CSMD1: variants seen among roughly 807,000 people sequenced by gnomAD.
CSMD1 encodes CUB and sushi domain-containing protein 1.
A neutral mutation model predicts 417.5 loss-of-function variants in CSMD1; 213 were observed. The observed-to-expected ratio is 0.51, with a 90% CI of 0.46 to 0.57. CSMD1 has a LOEUF of 0.57. CSMD1 is among the 20% of genes least tolerant of loss of function. The pLI, the probability that CSMD1 is intolerant of heterozygous loss-of-function variation, is 0.00. For missense variants in CSMD1, 6,923 were observed against 4,529.7 expected, an observed-to-expected ratio of 1.53 and a Z score of -15.17; for synonymous variants, 2,862 against 1,736.8, an observed-to-expected ratio of 1.65 and a Z score of -16.11.
At chr8:4,389,230 C>G (rs1001617809) in intron 3 of CSMD1, among the ~76,000 whole-genome samples, 26 of 152,154 alleles carry the variant, frequency 1.7e-4, no homozygotes, top group African/African-American at 6.3e-4. Flanking sequence ...GCAATACTTT[C>G]TCTCCTCTTT....
intron 48 of CSMD1, among the ~76,000 whole-genome samples, chr8:3,090,436 T>G (rs931366787): frequency 2.0e-5 from 3 of 152,144 alleles, no homozygotes; most frequent in Non-Finnish European, 4.4e-5. Flanking sequence ...GAGTATATTT[T>G]ATTAAACCTT....
chr8:3,868,095 G>A (rs529933030), intron 5 of CSMD1, among the ~76,000 whole-genome samples: 60 of 152,066 alleles, frequency 3.9e-4, no homozygotes, highest in African/African-American at 1.0e-3. Flanking sequence ...TTAATTCCTT[G>A]CATGCACAGT....
intron 3 of CSMD1, among the ~76,000 whole-genome samples, chr8:4,070,447 T>G (rs999395421): frequency 6.6e-6 from 1 of 151,944 alleles, no homozygotes; most frequent in East Asian, 1.9e-4. Flanking sequence ...AAGCTCCGCC[T>G]CCCGGGTTCA....
intron 1 of CSMD1, among the ~76,000 whole-genome samples, chr8:4,920,891 GAAAAGAAA>G (rs1806406119): frequency 6.1e-5 from 3 of 49,158 alleles, no homozygotes; most frequent in Admixed American, 2.2e-4. Context: ...GAAAAGAAAA[GAAAAGAAA>G]AGAAAAGAAA....
chr8:3,330,091 C>T (rs1043301782), intron 23 of CSMD1, among the ~76,000 whole-genome samples: 38 of 152,224 alleles, frequency 2.5e-4, no homozygotes, highest in African/African-American at 8.2e-4. Flanking sequence ...GCAGCTCCTC[C>T]CAGGTCAAAG....
chr8:3,249,537 A>G (rs570700304), intron 26 of CSMD1, among the ~76,000 whole-genome samples: 23 of 152,270 alleles, frequency 1.5e-4, no homozygotes, highest in Admixed American at 1.2e-3. Context: ...GAGATTTAAG[A>G]AAATAAAAGC....
intron 3 of CSMD1, among the ~76,000 whole-genome samples, chr8:4,098,361 C>G (rs868576983): frequency 3.9e-5 from 6 of 151,918 alleles, no homozygotes; most frequent in Non-Finnish European, 7.4e-5. Flanking sequence ...TTGATCTTCA[C>G]TATTTTTTTT....
intron 3 of CSMD1, among the ~76,000 whole-genome samples, chr8:4,331,979 C>T (rs1263397562): frequency 6.6e-6 from 1 of 152,090 alleles, no homozygotes; most frequent in Non-Finnish European, 1.5e-5. Flanking sequence ...ATGCAAAGCA[C>T]ATCTGAAATG....
rs371196736 is a variant in CSMD1 at position 3,146,112 on chromosome 8, G to C, written c.6032-3438C>G. ...AAAGAACCTTTTATATTGTCCCTAT[G>C]TTTCTAGAAAGTCTGATGGCATGGT... On this transcript the variant is annotated intron_variant, in intron 40 of 69. Transcript: ENST00000635120. Among the ~76,000 whole-genome samples the C allele has an allele frequency of 8.5e-5, 13 of 152,272 alleles. No individual in the cohort carries two copies. The East Asian group carries it at 2.3e-3, about 27-fold the overall frequency.
At chr8:4,077,528 G>A (rs1355453311) in intron 3 of CSMD1, among the ~76,000 whole-genome samples, 1 of 151,818 alleles carries the variant, frequency 6.6e-6, no homozygotes, top group Non-Finnish European at 1.5e-5. Context: ...CCATCACACT[G>A]AAGTCACTCT....
chr8:3,561,733 C>G (rs1187682486), intron 10 of CSMD1, among the ~76,000 whole-genome samples: 1 of 151,868 alleles, frequency 6.6e-6, no homozygotes, highest in Non-Finnish European at 1.5e-5. Context: ...TGTAGTGTAT[C>G]CATGTGACAA....
At chr8:3,792,192 G>A (rs1288289754) in intron 5 of CSMD1, among the ~76,000 whole-genome samples, 1 of 151,998 alleles carries the variant, frequency 6.6e-6, no homozygotes, top group Non-Finnish European at 1.5e-5. Context: ...TACAGGGGAG[G>A]CTGAGATGGG....
At chr8:4,867,652 T>C (rs759255425) in intron 1 of CSMD1, among the ~76,000 whole-genome samples, 1 of 152,084 alleles carries the variant, frequency 6.6e-6, no homozygotes, top group Admixed American at 6.5e-5. Context: ...AGATTGGAAA[T>C]AGAATGATGG....
chr8:3,060,894 T>C (rs1485721890), intron 49 of CSMD1, among the ~76,000 whole-genome samples: 1 of 152,218 alleles, frequency 6.6e-6, no homozygotes. Context: ...ACGGCATTCC[T>C]CTCTCCGGAG....
intron 3 of CSMD1, among the ~76,000 whole-genome samples, chr8:4,033,744 G>A (rs76490933): frequency 6.6e-6 from 1 of 152,088 alleles, no homozygotes; most frequent in South Asian, 2.1e-4. Context: ...CAATAATGGG[G>A]TATTGATTCT....
intron 2 of CSMD1, among the ~76,000 whole-genome samples, chr8:4,441,490 T>C (rs969561609): frequency 6.6e-6 from 1 of 152,008 alleles, no homozygotes; most frequent in African/African-American, 2.4e-5. Flanking sequence ...ACATAAGGTA[T>C]TTTACAGAGA....
At chr8:3,052,732 T>A in intron 49 of CSMD1, 85 bp from the exon 50 acceptor site, 1 of 911,402 alleles carries the variant, frequency 1.1e-6, no homozygotes, top group Non-Finnish European at 1.6e-6. Context: ...TAATCATTAT[T>A]ATTGACTCCA....
intron 1 of CSMD1, among the ~76,000 whole-genome samples, chr8:4,648,791 C>T (rs747785586): frequency 2.6e-5 from 4 of 152,110 alleles, no homozygotes; most frequent in Admixed American, 6.5e-5. Context: ...CATCAGATGC[C>T]GGCTGATGCC....
chr8:4,352,839 G>T lies in CSMD1; in HGVS notation c.415+67114C>A, dbSNP rs1456910282. The stretch of plus-strand genomic sequence containing the variant: ...AGATGGTTCAAACGAACTCAAACAA[G>T]ATTGGACCTGTTTCTCTTTGTTTTG... On this transcript the variant is annotated intron_variant, in intron 3 of 69. Transcript: ENST00000635120. 2.0e-5 allele frequency among the ~76,000 whole-genome samples: 3 copies of T among 152,154 alleles called. No homozygotes were observed. In the East Asian group the frequency reaches 5.8e-4, roughly 29 times the overall value.
Sources: allele counts gnomAD v4.1 joint callset (sites outside exome capture counted in the v4.1 genomes callset), GRCh38; gene constraint gnomAD v4.1.1; transcripts MANE v1.5; gene names NCBI Gene and HGNC (gene_info 2026-07-23, HGNC 2026-07-21).